Variants in EYS observed in about 807,000 individuals in gnomAD.
EYS encodes EGF-like photoreceptor maintenance factor.
EYS carries 250 observed loss-of-function variants against 282.1 expected under a neutral mutation model. That is an observed-to-expected ratio of 0.89 (90% CI 0.80 to 0.98). EYS has a LOEUF of 0.98. EYS is among the 50% of genes least tolerant of loss of function. The probability of loss-of-function intolerance (pLI) is 0.00; values close to 1 mark genes in which losing one functional copy is unlikely to be tolerated. For missense variants in EYS, 4,016 were observed against 3,709.0 expected (o/e 1.08, Z -2.15); for synonymous variants, 1,355 against 1,282.9 (o/e 1.06, Z -1.20).
At chr6:65,229,650 A>G (rs1379912699) in intron 12 of EYS, among the ~76,000 whole-genome samples, 1 of 151,960 alleles carries the variant, frequency 6.6e-6, no homozygotes, top group Non-Finnish European at 1.5e-5. Context: ...AAGTTCATGG[A>G]TAGTGAGTTT....
intron 12 of EYS, among the ~76,000 whole-genome samples, chr6:65,129,199 C>T (rs1222201767): frequency 6.6e-6 from 1 of 151,930 alleles, no homozygotes; most frequent in Non-Finnish European, 1.5e-5. Context: ...AAATGTAAGA[C>T]CTCAAACTAT....
chr6:64,176,640 G>A (rs1269784083), intron 31 of EYS, among the ~76,000 whole-genome samples: 1 of 151,930 alleles, frequency 6.6e-6, no homozygotes, highest in African/African-American at 2.4e-5. Context: ...TTTTTGAAAT[G>A]TGGATTTTAC....
At chr6:65,247,489 G>T (rs1460100728) in intron 12 of EYS, among the ~76,000 whole-genome samples, 1 of 152,010 alleles carries the variant, frequency 6.6e-6, no homozygotes, top group Non-Finnish European at 1.5e-5. Flanking sequence ...TGCTCTAGCA[G>T]AGTGAAACCC....
intron 28 of EYS, among the ~76,000 whole-genome samples, chr6:64,422,157 TAGAC>T (rs10582608): frequency 0.03 from 4,594 of 152,152 alleles, 212 homozygotes; most frequent in African/African-American, 0.11. Context: ...AGATGATAGA[TAGAC>T]AGATAGATGA....
At chr6:64,123,015 T>G (rs929192152) in intron 31 of EYS, among the ~76,000 whole-genome samples, 1 of 152,114 alleles carries the variant, frequency 6.6e-6, no homozygotes, top group Non-Finnish European at 1.5e-5. Flanking sequence ...ATCATGAAAC[T>G]ATTGTTTTAA....
intron 13 of EYS, among the ~76,000 whole-genome samples, chr6:65,014,152 T>C (rs1481412240): frequency 6.6e-6 from 1 of 152,158 alleles, no homozygotes; most frequent in Non-Finnish European, 1.5e-5. Context: ...AAGAACACTC[T>C]AGACAGCCAG....
At chr6:64,915,772 G>A (rs1019143422) in intron 15 of EYS, among the ~76,000 whole-genome samples, 1 of 152,074 alleles carries the variant, frequency 6.6e-6, no homozygotes, top group Non-Finnish European at 1.5e-5. Context: ...ATAAAGCTTT[G>A]AAATATGTAG....
At position 65,077,324 on chromosome 6, in the gene EYS, C is replaced by T. The variant is rs9445462; in HGVS notation, c.2024-19597G>A. 4.2e-3 allele frequency among the ~76,000 whole-genome samples: 641 copies of T among 152,096 alleles called. 6 individuals carry two copies. Among genetic ancestry groups the T allele is most frequent in the African/African-American group, 0.015 (630 of 41,512 alleles). On this transcript the variant is annotated intron_variant, in intron 12 of 42. Coordinates refer to ENST00000503581, the MANE Select transcript of EYS (RefSeq NM_001142800.2). ...ACAAGATAGCTGCTTGAATGAACGTCTTAGTCCATCACCATTAAAGAGAGA... is the reference window on the plus strand; with the variant it reads ...ACAAGATAGCTGCTTGAATGAACGTTTTAGTCCATCACCATTAAAGAGAGA...
intron 29 of EYS, among the ~76,000 whole-genome samples, chr6:64,366,760 T>C (rs550081826): frequency 2.0e-5 from 3 of 152,152 alleles, no homozygotes; most frequent in African/African-American, 7.2e-5. Context: ...CCTGTGGCAA[T>C]GTGGACAATA....
At chr6:65,014,888 C>A (rs1195645282) in intron 13 of EYS, among the ~76,000 whole-genome samples, 1 of 152,062 alleles carries the variant, frequency 6.6e-6, no homozygotes, top group Non-Finnish European at 1.5e-5. Flanking sequence ...GTAAGCTTAT[C>A]CTATTTTATC....
intron 36 of EYS, among the ~76,000 whole-genome samples, chr6:63,854,620 T>C (rs1483650225): frequency 6.6e-6 from 1 of 152,106 alleles, no homozygotes; most frequent in African/African-American, 2.4e-5. Context: ...TAAAGTATAA[T>C]AATAATTACA....
chr6:63,823,517 G>A (rs896072549), intron 36 of EYS, among the ~76,000 whole-genome samples: 3 of 151,984 alleles, frequency 2.0e-5, no homozygotes, highest in Non-Finnish European at 4.4e-5. Flanking sequence ...TGTTTGCAAT[G>A]GACATGCATA....
chr6:64,806,575 C>A (rs1007536982), intron 22 of EYS, among the ~76,000 whole-genome samples: 2 of 151,918 alleles, frequency 1.3e-5, no homozygotes, highest in African/African-American at 4.8e-5. Flanking sequence ...GCTTACTAAT[C>A]TTTTAACAAA....
intron 33 of EYS, among the ~76,000 whole-genome samples, chr6:64,059,585 G>A (rs2149850127): frequency 6.6e-6 from 1 of 152,108 alleles, no homozygotes; most frequent in Non-Finnish European, 1.5e-5. Flanking sequence ...CTCAAGAAGT[G>A]GGCAAATTTT....
chr6:63,825,038 G>C (rs1231448300), intron 36 of EYS, among the ~76,000 whole-genome samples: 1 of 152,150 alleles, frequency 6.6e-6, no homozygotes, highest in Non-Finnish European at 1.5e-5. Flanking sequence ...CGCCACCTGG[G>C]AATAGACTCG....
intron 8 of EYS, among the ~76,000 whole-genome samples, chr6:65,369,663 C>A (rs116416197): frequency 6.8e-4 from 103 of 151,556 alleles, no homozygotes; most frequent in African/African-American, 2.3e-3. Context: ...ACGATATTGG[C>A]ATTTTGGACT....
In EYS at chr6:64,443,595, A is replaced by T. The variant is rs74549470; in HGVS notation, c.5645-4243T>A. On this transcript the variant is annotated intron_variant, in intron 26 of 42. Transcript: ENST00000503581. ...TGTTGTAGGAGGAACCTGGTGAGAGATGATTGAATCATGGGGACAGGTCTT... is the reference window on the plus strand; with the variant it reads ...TGTTGTAGGAGGAACCTGGTGAGAGTTGATTGAATCATGGGGACAGGTCTT... Among the ~76,000 whole-genome samples, 239 of 152,292 alleles carry T rather than the reference A, an allele frequency of 1.6e-3. 1 individual carries two copies. The highest frequency in any genetic ancestry group is 5.5e-3 in the African/African-American group (229 of 41,572).
intron 30 of EYS, among the ~76,000 whole-genome samples, chr6:64,239,995 G>A (rs557649796): frequency 1.4e-4 from 21 of 152,126 alleles, no homozygotes; most frequent in East Asian, 3.9e-4. Flanking sequence ...TCCCAACACC[G>A]TTTATTAAAT....
At chr6:64,488,292 G>T (rs1776635368) in intron 26 of EYS, among the ~76,000 whole-genome samples, 1 of 150,940 alleles carries the variant, frequency 6.6e-6, no homozygotes, top group Non-Finnish European at 1.5e-5. Flanking sequence ...ATAATTGCTT[G>T]GCTCAGCCAA....
Sources: allele counts gnomAD v4.1 joint callset (sites outside exome capture counted in the v4.1 genomes callset), GRCh38; gene constraint gnomAD v4.1.1; transcripts MANE v1.5; gene names NCBI Gene and HGNC (gene_info 2026-07-23, HGNC 2026-07-21).